The following ARIH2 variants were observed in gnomAD, a reference collection of about 807,000 sequenced individuals.
The protein encoded by ARIH2 is E3 ubiquitin-protein ligase ARIH2.
A neutral mutation model predicts 79.8 loss-of-function variants in ARIH2; 12 were observed. That is an observed-to-expected ratio of 0.15 (90% CI 0.10 to 0.24). The LOEUF is 0.24. Among genes scored for constraint, ARIH2 ranks in the 10% least tolerant of loss-of-function variants. The pLI, the probability that ARIH2 is intolerant of heterozygous loss-of-function variation, is 1.00. For missense variants in ARIH2, 301 were observed against 618.3 expected, an observed-to-expected ratio of 0.49 and a Z score of 5.44; for synonymous variants, 224 against 213.9, an observed-to-expected ratio of 1.05 and a Z score of -0.41.
intron 3 of ARIH2, among the ~76,000 whole-genome samples, chr3:48,958,072 C>T (rs924431648): frequency 2.0e-5 from 3 of 152,092 alleles, no homozygotes; most frequent in Admixed American, 2.0e-4. Flanking sequence ...GGAAACAGAG[C>T]AGGTCAAAAC....
chr3:48,958,425 A>G (rs2090855637), intron 3 of ARIH2, among the ~76,000 whole-genome samples: 1 of 152,084 alleles, frequency 6.6e-6, no homozygotes, highest in African/African-American at 2.4e-5. Context: ...TTAAAAAAAT[A>G]GATAGGCCGG....
intron 3 of ARIH2, among the ~76,000 whole-genome samples, chr3:48,942,981 G>A (rs944501866): frequency 1.3e-5 from 2 of 152,014 alleles, no homozygotes; most frequent in Non-Finnish European, 2.9e-5. Context: ...GTTTCACCAT[G>A]TTGGCCAAGC....
chr3:48,940,497 C>G (rs536381432), intron 3 of ARIH2, among the ~76,000 whole-genome samples: 3 of 151,150 alleles, frequency 2.0e-5, no homozygotes, highest in Non-Finnish European at 4.4e-5. Context: ...GTCAGTGTTG[C>G]GAGAAGTCAG....
intron 1 of ARIH2, 59 bp downstream of exon 1, chr3:48,919,057 C>T: frequency 7.6e-6 from 10 of 1,320,246 alleles, no homozygotes; most frequent in South Asian, 2.2e-5. Context: ...GGGGGGGCCT[C>T]TCCGCGCGCC....
At position 48,975,079 on chromosome 3, in the gene ARIH2, A is replaced by G. The variant is rs1400596572; in HGVS notation, c.961+100A>G. On this transcript the variant is annotated intron_variant, in intron 11 of 15. Transcript: ENST00000356401. ...TACTTCTGCCATGAAATGACAAAAC[A>G]TAGAAGAACCTCAGTCACTTAACAG... 2.5e-6 allele frequency: 4 copies of G among 1,592,756 alleles called. No homozygotes were observed. The East Asian group carries it at 6.7e-5, about 27-fold the overall frequency.
Position 48,918,869 on chromosome 3 carries a change from G to A in ARIH2, c.-291G>A, listed in dbSNP as rs780942346. Reference sequence around the variant, plus strand: ...AGCTGTGGGGACGACTCTTCTGGAGGAAGCAGCGCGGGCTTGACCGGCGTC... The same window carrying A: ...AGCTGTGGGGACGACTCTTCTGGAGAAAGCAGCGCGGGCTTGACCGGCGTC... On this transcript the variant is annotated 5_prime_UTR_variant, in exon 1 of 16. Transcript: ENST00000356401. The A allele has an allele frequency of 1.5e-5, 24 of 1,609,980 alleles. No homozygotes were observed. In the South Asian group the frequency reaches 2.3e-4, roughly 15 times the overall value.
intron 11 of ARIH2, 64 bp from the exon 12 acceptor site, chr3:48,979,418 C>T (rs2092673898): frequency 3.2e-6 from 5 of 1,564,084 alleles, no homozygotes; most frequent in African/African-American, 1.4e-5. Context: ...TCTCACTCCT[C>T]TGCCTATGGA....
chr3:48,967,009 C>T (rs2107583895), intron 5 of ARIH2, 116 bp from the exon 6 acceptor site: 2 of 1,139,144 alleles, frequency 1.8e-6, no homozygotes, highest in East Asian at 2.4e-5. Context: ...TGCAGTTGAG[C>T]TCTGATACTT....
intron 3 of ARIH2, among the ~76,000 whole-genome samples, chr3:48,931,656 C>G: frequency 6.6e-6 from 1 of 152,082 alleles, no homozygotes; most frequent in East Asian, 1.9e-4. Context: ...TCTCAAACTC[C>G]TGGCCTCAAG....
At chr3:48,974,931 G>A in intron 10 of ARIH2, 27 bp from the exon 11 acceptor site, 9 of 1,614,106 alleles carry the variant, frequency 5.6e-6, no homozygotes, top group East Asian at 2.2e-5. Context: ...TGCCCTTAAC[G>A]TGTTTTCTTC....
Position 48,981,686 on chromosome 3 carries a change from C to T in ARIH2, c.1284C>T (p.Tyr428=), listed in dbSNP as rs1391472926. 32 of 1,613,984 alleles carry T rather than the reference C, an allele frequency of 2.0e-5. No homozygotes were observed. Among genetic ancestry groups the T allele is most frequent in the Non-Finnish European group, 2.6e-5 (31 of 1,179,908 alleles). Residue 428 remains tyrosine, a synonymous_variant, in exon 14 of 16, where the codon TAC becomes TAT. Coordinates refer to ENST00000356401, the MANE Select transcript of ARIH2 (RefSeq NM_006321.4). ...AKCRYTLQYT[Y]PYAYYMESGP... is the part of the protein sequence containing the mutation. ...GTCGATACACCCTGCAATACACCTA[C>T]CCATATGCATATTACATGGAGTCCG... is the stretch of plus-strand genomic sequence containing the variant.
chr3:48,927,636 A>G lies in ARIH2; in HGVS notation c.78A>G (p.Glu26=), dbSNP rs772801479. Residue 26 remains glutamate (E), a synonymous_variant, in exon 3 of 16, where the codon GAA becomes GAG. Transcript: ENST00000356401. ...ACCCAAATTGTGAGGAAGAGGAAGA[A>G]GAAGAAGAAGACGACCCTGGGGACA... ...DYDPNCEEEE[E]EEEDDPGDIE... The G allele has an allele frequency of 8.7e-6, 14 of 1,613,894 alleles. No homozygotes were observed. The Admixed American group carries it at 2.0e-4, about 23-fold the overall frequency.
intron 3 of ARIH2, among the ~76,000 whole-genome samples, chr3:48,957,796 A>G (rs1018278542): frequency 1.3e-5 from 2 of 151,840 alleles, no homozygotes; most frequent in African/African-American, 4.8e-5. Flanking sequence ...GCTCACTACA[A>G]CCTCCGCCTC....
intron 3 of ARIH2, among the ~76,000 whole-genome samples, chr3:48,938,270 G>C (rs890072861): frequency 9.9e-5 from 15 of 152,202 alleles, no homozygotes; most frequent in South Asian, 4.1e-4. Context: ...AAGATGGTTG[G>C]CTGCACATGC....
At chr3:48,955,230 T>C (rs1420832610) in intron 3 of ARIH2, among the ~76,000 whole-genome samples, 1 of 151,832 alleles carries the variant, frequency 6.6e-6, no homozygotes, top group African/African-American at 2.4e-5. Context: ...CATTCATAAA[T>C]AAATAGGACT....
In ARIH2 at chr3:48,978,481, A is replaced by AT. The variant is rs1444641987; in HGVS notation, c.962-1000dup. On this transcript the variant is annotated intron_variant, in intron 11 of 15. Coordinates refer to ENST00000356401, the MANE Select transcript of ARIH2 (RefSeq NM_006321.4). ...TGTGTGTGTGTATATATATATATATATATTTTTTTTTTTTTTGGTAGAGAC... is the reference window on the plus strand; with the variant it reads ...TGTGTGTGTGTATATATATATATATATTATTTTTTTTTTTTTTGGTAGAGAC... 9.3e-4 allele frequency among the ~76,000 whole-genome samples: 46 copies of AT among 49,332 alleles called. 1 individual carries two copies. In the South Asian group the frequency reaches 0.017, roughly 19 times the overall value. The allele number at this position is 49,332 out of a possible 152,430, so 32.4% of individuals were successfully genotyped here.
rs573483587 is a variant in ARIH2 at position 48,946,787 on chromosome 3, G to A, written c.256-14825G>A. ...AGGACTCAGGGAAAGTGGGAGCATG[G>A]GCTGCGCTTGGTCTCTGCTCAGACC... On this transcript the variant is annotated intron_variant, in intron 3 of 15. Coordinates refer to ENST00000356401, the MANE Select transcript of ARIH2 (RefSeq NM_006321.4). Among the ~76,000 whole-genome samples the A allele has an allele frequency of 6.6e-4, 100 of 152,164 alleles. 1 individual carries two copies. The highest frequency in any genetic ancestry group is 2.4e-3 in the African/African-American group (98 of 41,526).
intron 13 of ARIH2, 111 bp from the exon 14 acceptor site, chr3:48,981,549 C>A: frequency 1.3e-6 from 1 of 799,806 alleles, no homozygotes; most frequent in Non-Finnish European, 2.1e-6. Context: ...AGGCCTATAT[C>A]TATAGAGCTG....
At chr3:48,945,295 T>TC in intron 3 of ARIH2, 1 of 947,454 alleles carries the variant, frequency 1.1e-6, no homozygotes, top group East Asian at 6.1e-5. Context: ...GCTGGAGAGC[T>TC]TCAGCCAGCT....
Sources: allele counts gnomAD v4.1 joint callset (sites outside exome capture counted in the v4.1 genomes callset), GRCh38; gene constraint gnomAD v4.1.1; transcripts MANE v1.5; gene names NCBI Gene and HGNC (gene_info 2026-07-23, HGNC 2026-07-21).